HECTD4: variants seen among roughly 807,000 people sequenced by gnomAD.
HECTD4 encodes probable E3 ubiquitin-protein ligase HECTD4.
In HECTD4, 114 loss-of-function variants were observed where a neutral mutation model predicts 471.5. The observed-to-expected ratio is 0.24, with a 90% CI of 0.21 to 0.28. The LOEUF (loss-of-function observed/expected upper bound fraction) is 0.28. Among genes scored for constraint, HECTD4 ranks in the 10% least tolerant of loss-of-function variants. HECTD4 has a pLI of 1.00. For missense variants in HECTD4, 3,866 were observed against 5,651.5 expected (o/e 0.68, Z 10.13); for synonymous variants, 2,012 against 2,256.0 (o/e 0.89, Z 3.07).
intron 39 of HECTD4, 137 bp from the exon 40 acceptor site, chr12:112,230,959 A>C (rs2033364519): frequency 2.8e-6 from 2 of 724,700 alleles, no homozygotes; most frequent in South Asian, 4.0e-5. Context: ...CCGAGAAAAC[A>C]AGAAGCTACA....
chr12:112,231,593 A>G lies in HECTD4; in HGVS notation c.6120T>C (p.Thr2040=), dbSNP rs1313359371. ...GPPVESINPE[T]VSGLSTGDKK... ...TGTCGCCTGTGGATAGTCCACTCAC[A>G]GTCTCTGGGTTGATAGACTCTACAG... Residue 2040 remains threonine, a synonymous_variant, in exon 39 of 76, where the codon ACT becomes ACC. Transcript: ENST00000682272. 6.2e-7 allele frequency: 1 copy of G among 1,614,034 alleles called. No homozygotes were observed. The highest frequency in any genetic ancestry group is 1.7e-5 in the Admixed American group (1 of 60,034).
In HECTD4 at chr12:112,208,583, C is replaced by T; in HGVS notation, c.7915G>A (p.Glu2639Lys). 1 of 1,607,092 alleles carries T rather than the reference C, an allele frequency of 6.2e-7. No homozygotes were observed. The highest frequency in any genetic ancestry group is 8.5e-7 in the Non-Finnish European group (1 of 1,177,826). ...TCTGGGCCAGAGGTGATGAAATTCT[C>T]ATAGCTGAGCTCGACTTTATAATGA... ...SCHYKVELSY[E>K]NFITSGPDPH... The change falls in exon 51 of 76, where the codon GAG (glutamate) becomes AAG (lysine). Residue 2639 changes from glutamate (E) to lysine (K), a missense_variant. This residue lies in a region of HECTD4 where 266 missense variants were observed against 441.6 expected (regional missense o/e 0.60). Transcript: ENST00000682272.
chr12:112,333,543 G>A (rs2035884061), intron 1 of HECTD4, among the ~76,000 whole-genome samples: 1 of 152,054 alleles, frequency 6.6e-6, no homozygotes, highest in South Asian at 2.1e-4. Flanking sequence ...CAATGATATT[G>A]CCAGATTAGT....
intron 7 of HECTD4, among the ~76,000 whole-genome samples, chr12:112,303,377 T>C (rs2035205013): frequency 6.6e-6 from 1 of 152,196 alleles, no homozygotes; most frequent in South Asian, 2.1e-4. Flanking sequence ...TACTTGGCTT[T>C]CTCCACACGG....
At chr12:112,332,643 G>C (rs1428092179) in intron 1 of HECTD4, among the ~76,000 whole-genome samples, 3 of 151,282 alleles carry the variant, frequency 2.0e-5, no homozygotes, top group Non-Finnish European at 2.9e-5. Context: ...AGCTCCTTGG[G>C]TGACTTTACG....
chr12:112,283,254 G>C lies in HECTD4; in HGVS notation c.1384C>G (p.Leu462Val). 6.2e-7 allele frequency: 1 copy of C among 1,613,516 alleles called. No individual in the cohort carries two copies. Among genetic ancestry groups the C allele is most frequent in the Non-Finnish European group, 8.5e-7 (1 of 1,179,734 alleles). The change falls in exon 8 of 76, where the codon CTA (leucine) becomes GTA (valine). Residue 462 changes from leucine to valine, a missense_variant. Leu to Val is a conservative substitution (Grantham distance 32). Coordinates refer to ENST00000682272, the MANE Select transcript of HECTD4 (RefSeq NM_001388303.1). ...GCAGATTCGCCCTCTTTTCTCATTA[G>C]AATTGTACGTTCCTGAAGTGGGTTG... ...VANPLQERTILMRKEGESAKS... is the reference protein window; with the variant it reads ...VANPLQERTIVMRKEGESAKS...
Position 112,263,720 on chromosome 12 carries a change from TATATAC to T in HECTD4, c.2748+358_2748+363del, listed in dbSNP as rs1485240512. Among the ~76,000 whole-genome samples the T allele has an allele frequency of 7.6e-5, 11 of 144,520 alleles. No homozygotes were observed. The South Asian group carries it at 1.3e-3, about 17-fold the overall frequency. 94.8% of individuals were successfully genotyped at this position (144,520 alleles called of 152,430 possible). The stretch of plus-strand genomic sequence containing the variant: ...CTCCCAAGATTTTTATATATATATA[TATATAC>T]ACACACACACACACACACACACACA... On this transcript the variant is annotated intron_variant, in intron 17 of 75. Transcript: ENST00000682272.
intron 52 of HECTD4, among the ~76,000 whole-genome samples, chr12:112,206,106 A>G (rs1004047210): frequency 3.3e-5 from 5 of 152,186 alleles, no homozygotes; most frequent in African/African-American, 4.8e-5. Flanking sequence ...AAGACCTGGG[A>G]GGAAAAGCAT....
At chr12:112,251,189 C>T (rs1469358203) in intron 23 of HECTD4, 55 bp from the exon 24 acceptor site, 2 of 1,554,640 alleles carry the variant, frequency 1.3e-6, no homozygotes, top group Admixed American at 1.8e-5. Context: ...GCAGAGGCTG[C>T]TACCTGTGCT....
At chr12:112,326,876 T>C (rs1214530912) in intron 1 of HECTD4, among the ~76,000 whole-genome samples, 5 of 152,156 alleles carry the variant, frequency 3.3e-5, no homozygotes, top group African/African-American at 1.2e-4. Flanking sequence ...CAAATATATA[T>C]ACAAATATAT....
chr12:112,293,614 A>G (rs2034945556), intron 7 of HECTD4, among the ~76,000 whole-genome samples: 1 of 152,216 alleles, frequency 6.6e-6, no homozygotes, highest in African/African-American at 2.4e-5. Flanking sequence ...AAGGTACAGA[A>G]GAATGTGTAT....
In HECTD4 at chr12:112,228,163, G is replaced by A; in HGVS notation, c.6780C>T (p.Thr2260=). 6.2e-7 allele frequency: 1 copy of A among 1,613,940 alleles called. No individual in the cohort carries two copies. The highest frequency in any genetic ancestry group is 8.5e-7 in the Non-Finnish European group (1 of 1,179,856). The stretch of plus-strand genomic sequence containing the variant: ...ACCCATCTCCTGTTGCAGGAAGTGA[G>A]GTGTGAATAGAGAGACTTCCCTCCT... ...LPQEGSLSIH[T]SLPATGDGSA... Residue 2260 remains threonine (T), a synonymous_variant, in exon 43 of 76, where the codon ACC becomes ACT. Coordinates refer to ENST00000682272, the MANE Select transcript of HECTD4 (RefSeq NM_001388303.1). The surrounding 1 kb of genome is among the most constrained non-coding windows in gnomAD (Gnocchi z 4.9).
Position 112,235,486 on chromosome 12 carries a change from T to A in HECTD4, c.5725+18A>T. On this transcript the variant is annotated intron_variant, in intron 36 of 75. Transcript: ENST00000682272. The surrounding 1 kb of genome is among the most constrained non-coding windows in gnomAD (Gnocchi z 5.0). ...ATGCTGCACTGCCATGCTACTCTCCTGTTGAGGAGCTTCTCACCTGGAACC... is the reference window on the plus strand; with the variant it reads ...ATGCTGCACTGCCATGCTACTCTCCAGTTGAGGAGCTTCTCACCTGGAACC... The A allele has an allele frequency of 6.3e-7, 1 of 1,593,584 alleles. No individual in the cohort carries two copies. The highest frequency in any genetic ancestry group is 1.1e-5 in the South Asian group (1 of 87,364).
At chr12:112,204,749 C>A in intron 52 of HECTD4, 126 bp from the exon 53 acceptor site, 1 of 768,578 alleles carries the variant, frequency 1.3e-6, no homozygotes, top group East Asian at 2.7e-5. Flanking sequence ...AGTACATAAC[C>A]CTTTGGCGAA....
At chr12:112,270,483 G>A in intron 11 of HECTD4, 24 bp from the exon 12 acceptor site, 1 of 1,585,696 alleles carries the variant, frequency 6.3e-7, no homozygotes, top group Non-Finnish European at 8.7e-7. Flanking sequence ...AGGAAACTGA[G>A]TGAGGAAAGA....
At chr12:112,375,329 A>G (rs1243293980) in intron 1 of HECTD4, among the ~76,000 whole-genome samples, 1 of 152,234 alleles carries the variant, frequency 6.6e-6, no homozygotes, top group Non-Finnish European at 1.5e-5. Flanking sequence ...AGCTTTGGGC[A>G]ATCACAAATA....
chr12:112,183,203 C>T lies in HECTD4; in HGVS notation c.10843G>A (p.Gly3615Ser). ...TCTTCACCATCCAAACTTGACAAAC[C>T]AATCAAGTCATTATTGTTAAATAAA... ...ASLFNNNDLI[G>S]LSSLDGEDEL... Residue 3615 changes from glycine to serine, a missense_variant, in exon 62 of 76, where the codon GGT becomes AGT. Physicochemically the swap from Gly to Ser is moderately conservative, Grantham distance 56 (BLOSUM62 0). Transcript: ENST00000682272. 6.2e-7 allele frequency: 1 copy of T among 1,613,886 alleles called. No individual in the cohort carries two copies. Among genetic ancestry groups the T allele is most frequent in the Non-Finnish European group, 8.5e-7 (1 of 1,179,832 alleles).
At chr12:112,378,674 G>A (rs978740692) in intron 1 of HECTD4, among the ~76,000 whole-genome samples, 1 of 152,144 alleles carries the variant, frequency 6.6e-6, no homozygotes, top group African/African-American at 2.4e-5. Flanking sequence ...TATTCACCCA[G>A]ATGTCCACTG....
intron 1 of HECTD4, among the ~76,000 whole-genome samples, chr12:112,361,432 G>C (rs2036447646): frequency 6.6e-6 from 1 of 151,290 alleles, no homozygotes; most frequent in Admixed American, 6.6e-5. Context: ...ACCACACCTG[G>C]CTAATTTTCT....
Sources: gnomAD v4.1 joint callset for allele counts (sites outside exome capture counted in the v4.1 genomes callset) on GRCh38, gnomAD v4.1.1 for gene constraint, gnomAD v4.1.1 regional missense constraint, Gnocchi (gnomAD v3.1) non-coding constraint, MANE v1.5 for transcripts, NCBI Gene and HGNC (gene_info 2026-07-23, HGNC 2026-07-21) for gene names.